Variants in SLC22A13 observed in about 807,000 individuals in gnomAD.
SLC22A13 encodes the protein organic anion transporter 10.
A neutral mutation model predicts 49.1 loss-of-function variants in SLC22A13; 42 were observed. The observed-to-expected ratio is 0.85, with a 90% CI of 0.67 to 1.11. The LOEUF is 1.11. Ranked by LOEUF, SLC22A13 falls within the 50% of genes least tolerant of loss-of-function variation. SLC22A13 has a pLI of 0.00. For synonymous variants in SLC22A13, 282 were observed against 293.1 expected, an observed-to-expected ratio of 0.96 and a Z score of 0.39; for missense variants, 694 against 712.8, an observed-to-expected ratio of 0.97 and a Z score of 0.30.
chr3:38,268,678 G>A (rs531183547), intron 1 of SLC22A13, among the ~76,000 whole-genome samples: 5 of 152,254 alleles, frequency 3.3e-5, no homozygotes, highest in East Asian at 3.9e-4. Flanking sequence ...TTACAGTCAC[G>A]TATATAGGGC....
chr3:38,277,253 A>C, intron 9 of SLC22A13, 119 bp from the exon 10 acceptor site: 1 of 1,108,860 alleles, frequency 9.0e-7, no homozygotes, highest in African/African-American at 1.5e-5. Flanking sequence ...GTCCTCCAGA[A>C]CCACAGACAT....
chr3:38,275,985 G>A lies in SLC22A13; in HGVS notation c.1126G>A (p.Ala376Thr), dbSNP rs778933063. The change falls in exon 7 of 10, where the codon GCC (alanine) becomes ACC (threonine). Residue 376 changes from alanine (A) to threonine (T), a missense_variant. By Grantham distance (58) the Ala-to-Thr change is moderately conservative. Coordinates refer to ENST00000311856, the MANE Select transcript of SLC22A13 (RefSeq NM_004256.4). ...QLIFGAVEVP[A>T]RCSSIFMMQR... is the part of the protein sequence containing the mutation. ...CATCTTTGGAGCTGTTGAGGTGCCT[G>A]CCCGCTGTTCCAGCATCTTCATGAT... 1.2e-6 allele frequency: 2 copies of A among 1,614,202 alleles called. No homozygotes were observed. Among genetic ancestry groups the A allele is most frequent in the Non-Finnish European group, 8.5e-7 (1 of 1,180,020 alleles).
At position 38,266,176 on chromosome 3, in the gene SLC22A13, A is replaced by T; in HGVS notation, c.316A>T (p.Thr106Ser). Residue 106 changes from threonine (T) to serine (S), a missense_variant, in exon 1 of 10, where the codon ACG (threonine) becomes TCG (serine). Thr to Ser is a moderately conservative substitution (Grantham distance 58). Transcript: ENST00000311856. Reference protein sequence around the residue: ...QDILSHRFNETQPCDMGWEYP... With the variant: ...QDILSHRFNESQPCDMGWEYP... ...CATCCTCAGCCACCGCTTCAATGAG[A>T]CGCAGCCTTGTGATATGGGCTGGGA... The T allele has an allele frequency of 6.2e-7, 1 of 1,614,158 alleles. No individual in the cohort carries two copies. Among genetic ancestry groups the T allele is most frequent in the Non-Finnish European group, 8.5e-7 (1 of 1,180,024 alleles).
rs1221949567 is a variant in SLC22A13 at position 38,277,385 on chromosome 3, G to A, written c.1576G>A (p.Val526Met). The change falls in exon 10 of 10, where the codon GTG becomes ATG. Residue 526 changes from valine to methionine, a missense_variant. By Grantham distance (21) the Val-to-Met change is conservative. Coordinates refer to ENST00000311856, the MANE Select transcript of SLC22A13 (RefSeq NM_004256.4). ...LGPHPRSPKS[V>M]PSEKETEAKG... ...TGCTCCCTCTAGGTCCCCCAAATCA[G>A]TGCCCTCAGAGAAGGAAACAGAGGC... The A allele has an allele frequency of 6.2e-7, 1 of 1,613,764 alleles. No homozygotes were observed. The highest frequency in any genetic ancestry group is 2.2e-5 in the East Asian group (1 of 44,894).
In SLC22A13 at chr3:38,274,375, G is replaced by A. The variant is rs371664875; in HGVS notation, c.482G>A (p.Arg161Gln). ...GTLMFGPLCD[R>Q]IGRKATILAQ... ...CTCATGTTTGGGCCCCTCTGCGACCGGTAAGAACCTTGCCCTGCCCACTCC... is the reference window on the plus strand; with the variant it reads ...CTCATGTTTGGGCCCCTCTGCGACCAGTAAGAACCTTGCCCTGCCCACTCC... Residue 161 changes from arginine to glutamine, a missense_variant and splice_region_variant, in exon 2 of 10, where the codon CGG becomes CAG. Coordinates refer to ENST00000311856, the MANE Select transcript of SLC22A13 (RefSeq NM_004256.4). 1.8e-5 allele frequency: 29 copies of A among 1,612,488 alleles called. No homozygotes were observed. The highest frequency in any genetic ancestry group is 2.2e-5 in the Non-Finnish European group (26 of 1,178,584).
In SLC22A13 at chr3:38,275,068, G is replaced by A; in HGVS notation, c.717G>A (p.Val239=). The A allele has an allele frequency of 6.2e-7, 1 of 1,614,254 alleles. No individual in the cohort carries two copies. The change falls in exon 4 of 10, where the codon GTG becomes GTA. Residue 239 remains valine (V), a synonymous_variant. Coordinates refer to ENST00000311856, the MANE Select transcript of SLC22A13 (RefSeq NM_004256.4). ...AQCNFSLGQM[V]LAGLAYGFRN... is the part of the protein sequence containing the mutation. ...GCAACTTCTCCCTCGGGCAGATGGTGCTTGCGGGACTCGCCTACGGTTTCC... is the reference window on the plus strand; with the variant it reads ...GCAACTTCTCCCTCGGGCAGATGGTACTTGCGGGACTCGCCTACGGTTTCC...
At position 38,274,658 on chromosome 3, in the gene SLC22A13, C is replaced by G; in HGVS notation, c.537C>G (p.Gly179=). The change falls in exon 3 of 10, where the codon GGC becomes GGG. Residue 179 remains glycine (G), a synonymous_variant. Transcript: ENST00000311856. ...LAQLLLFTLI[G]LATAFVPSFE... is the part of the protein sequence containing the mutation. Reference sequence around the variant, plus strand: ...AGCTGCTCCTCTTCACCCTCATCGGCCTGGCCACAGCTTTTGTGCCCAGCT... The same window carrying G: ...AGCTGCTCCTCTTCACCCTCATCGGGCTGGCCACAGCTTTTGTGCCCAGCT... 1 of 1,614,174 alleles carries G rather than the reference C, an allele frequency of 6.2e-7. No homozygotes were observed. Among genetic ancestry groups the G allele is most frequent in the Non-Finnish European group, 8.5e-7 (1 of 1,180,026 alleles).
In SLC22A13 at chr3:38,275,148, TC is replaced by T; in HGVS notation, c.798del (p.Tyr267ThrfsTer13). On this transcript the variant is annotated frameshift_variant, in exon 4 of 10. Coordinates refer to ENST00000311856, the MANE Select transcript of SLC22A13 (RefSeq NM_004256.4). LOFTEE classifies it high-confidence loss of function. Reference sequence around the variant, plus strand: ...ACTGCGCCTGGCTTACTGCTCTTCTTCTACTTCTGGTGAGGAAAATACATGC... The same window carrying T: ...ACTGCGCCTGGCTTACTGCTCTTCTTTACTTCTGGTGAGGAAAATACATGC... ...TGTAPGLLLF[F>X]YFWALPESAR... The T allele has an allele frequency of 6.2e-7, 1 of 1,614,190 alleles. No individual in the cohort carries two copies. Among genetic ancestry groups the T allele is most frequent in the Non-Finnish European group, 8.5e-7 (1 of 1,180,028 alleles).
rs1703594685 is a variant in SLC22A13 at position 38,277,069 on chromosome 3, A to C, written c.1504A>C (p.Thr502Pro). 1 of 1,587,646 alleles carries C rather than the reference A, an allele frequency of 6.3e-7. No individual in the cohort carries two copies. Among genetic ancestry groups the C allele is most frequent in the Admixed American group, 1.8e-5 (1 of 55,916 alleles). Residue 502 changes from threonine to proline, a missense_variant, in exon 9 of 10, where the codon ACG becomes CCG. By Grantham distance (38) the Thr-to-Pro change is conservative (BLOSUM62 -1). Transcript: ENST00000311856. ...AGLLCTLLPETHGQGLKDTLQ... is the reference protein window; with the variant it reads ...AGLLCTLLPEPHGQGLKDTLQ... ...CCTGCTGTGCACCCTGCTGCCAGAG[A>C]CGCATGGCCAGGGCCTGAAAGACAC... is the stretch of plus-strand genomic sequence containing the variant.
At position 38,277,434 on chromosome 3, in the gene SLC22A13, G is replaced by T; in HGVS notation, c.1625G>T (p.Gly542Val). Residue 542 changes from glycine to valine, a missense_variant, in exon 10 of 10, where the codon GGA becomes GTA. By Grantham distance (109) the Gly-to-Val change is moderately radical. Coordinates refer to ENST00000311856, the MANE Select transcript of SLC22A13 (RefSeq NM_004256.4). ...GCCAAGGGAAGAACTTCCAGCCCGG[G>T]AGTGGCCTTTGTGAGCAGCACATAC... ...TEAKGRTSSP[G>V]VAFVSSTYF is the part of the protein sequence containing the mutation. The T allele has an allele frequency of 6.2e-7, 1 of 1,614,156 alleles. No homozygotes were observed. Among genetic ancestry groups the T allele is most frequent in the Non-Finnish European group, 8.5e-7 (1 of 1,179,980 alleles).
At chr3:38,270,454 T>C (rs1354254408) in intron 1 of SLC22A13, 1 of 217,238 alleles carries the variant, frequency 4.6e-6, no homozygotes, top group Non-Finnish European at 9.9e-6. Flanking sequence ...AAAGGAATCT[T>C]TGGATAGCGG....
rs766707692 is a variant in SLC22A13 at position 38,266,124 on chromosome 3, A to AC, written c.270dup (p.Ala91ArgfsTer15). The AC allele has an allele frequency of 8.1e-6, 13 of 1,608,332 alleles. No homozygotes were observed. The highest frequency in any genetic ancestry group is 1.3e-5 in the African/African-American group (1 of 74,594). ...CAGAGCCCTGCCTCATGTTCCGGCC[A>AC]CCCCCCGCCAATGCCAGCCTGCAGG... is the stretch of plus-strand genomic sequence containing the variant. On this transcript the variant is annotated frameshift_variant, in exon 1 of 10. Transcript: ENST00000311856. LOFTEE classifies it high-confidence loss of function.
chr3:38,274,809 C>A lies in SLC22A13; in HGVS notation c.637+51C>A, dbSNP rs960791051. ...CAGCCATAGGGTGAGGCCCAGGGGC[C>A]TGGGAGGGCCACAGCCCCAAACGGC... is the stretch of plus-strand genomic sequence containing the variant. On this transcript the variant is annotated intron_variant, in intron 3 of 9. Coordinates refer to ENST00000311856, the MANE Select transcript of SLC22A13 (RefSeq NM_004256.4). The A allele has an allele frequency of 1.9e-6, 3 of 1,574,298 alleles. No homozygotes were observed. The African/African-American group carries it at 4.1e-5, about 21-fold the overall frequency.
chr3:38,277,216 C>T (rs1703598433), intron 9 of SLC22A13, 89 bp downstream of exon 9: 5 of 1,162,556 alleles, frequency 4.3e-6, no homozygotes, highest in South Asian at 4.3e-5. Flanking sequence ...CATCACTCGT[C>T]CACTGTTGCC....
rs1471647475 is a variant in SLC22A13 at position 38,278,436 on chromosome 3, A to C, written c.*971A>C. The stretch of plus-strand genomic sequence containing the variant: ...AGAATGAGCAATATGCTCCCAATGC[A>C]CTCCCAGCTCCTCTTGGGACCCTTC... On this transcript the variant is annotated 3_prime_UTR_variant, in exon 10 of 10. Transcript: ENST00000311856. 1 of 152,184 alleles carries C rather than the reference A, an allele frequency of 6.6e-6. No homozygotes were observed. The highest frequency in any genetic ancestry group is 1.5e-5 in the Non-Finnish European group (1 of 68,152). 9.4% of individuals were successfully genotyped at this position (152,184 alleles called of 1,614,324 possible). A position where few individuals can be genotyped will look rare whatever the true frequency, so the allele number is the denominator to read the frequency against.
intron 7 of SLC22A13, 22 bp downstream of exon 7, chr3:38,276,118 C>G (rs778661907): frequency 6.3e-7 from 1 of 1,594,676 alleles, no homozygotes; most frequent in Admixed American, 1.7e-5. Context: ...GGCTATCCCT[C>G]ACCCGCATGC....
intron 1 of SLC22A13, among the ~76,000 whole-genome samples, chr3:38,266,616 C>A (rs1703466998): frequency 6.6e-6 from 1 of 152,120 alleles, no homozygotes; most frequent in African/African-American, 2.4e-5. Context: ...TCAGTCTACC[C>A]CTGCATGTCT....
chr3:38,274,342 T>C lies in SLC22A13; in HGVS notation c.449T>C (p.Val150Ala), dbSNP rs200991319. 6.2e-6 allele frequency: 10 copies of C among 1,614,198 alleles called. No homozygotes were observed. In the South Asian group the frequency reaches 8.8e-5, roughly 14 times the overall value. ...TCAGTGTTCATGGCTGGGCTCCTTG[T>C]TGGCACCCTCATGTTTGGGCCCCTC... Reference protein sequence around the residue: ...TQSVFMAGLLVGTLMFGPLCD... With the variant: ...TQSVFMAGLLAGTLMFGPLCD... Residue 150 changes from valine (V) to alanine (A), a missense_variant, in exon 2 of 10, where the codon GTT becomes GCT. Transcript: ENST00000311856.
chr3:38,274,158 TAC>T, intron 1 of SLC22A13, 112 bp from the exon 2 acceptor site: 2 of 770,838 alleles, frequency 2.6e-6, no homozygotes, highest in Non-Finnish European at 4.6e-6. Context: ...AGTGCCTCAG[TAC>T]ACAGTTTGGG....
Sources: gnomAD v4.1 joint callset for allele counts (sites outside exome capture counted in the v4.1 genomes callset) on GRCh38, gnomAD v4.1.1 for gene constraint, MANE v1.5 for transcripts, NCBI Gene and HGNC (gene_info 2026-07-23, HGNC 2026-07-21) for gene names.